SYNRG: variants seen among roughly 807,000 people sequenced by gnomAD.
SYNRG encodes AP1 gamma subunit binding protein 1.
In SYNRG, 37 loss-of-function variants were observed where a neutral mutation model predicts 130.9. That is an observed-to-expected ratio of 0.28 (90% CI 0.22 to 0.37). The LOEUF is 0.37. Among genes scored for constraint, SYNRG ranks in the 10% least tolerant of loss-of-function variants. The pLI is 1.00. For missense variants in SYNRG, 1,338 were observed against 1,588.9 expected, an observed-to-expected ratio of 0.84 and a Z score of 2.68; for synonymous variants, 539 against 568.1, an observed-to-expected ratio of 0.95 and a Z score of 0.73.
chr17:37,588,742 T>C, intron 3 of SYNRG, among the ~76,000 whole-genome samples: 1 of 47,178 alleles, frequency 2.1e-5, no homozygotes, highest in African/African-American at 1.0e-4. Flanking sequence ...AGAATTATTC[T>C]TTTTTTTTTT....
At chr17:37,587,828 ATC>A (rs1467325112) in intron 3 of SYNRG, among the ~76,000 whole-genome samples, 2 of 152,178 alleles carry the variant, frequency 1.3e-5, no homozygotes, top group African/African-American at 4.8e-5. Context: ...AATACCCATG[ATC>A]TATCTGCACC....
At chr17:37,523,544 T>C (rs1253771237) in intron 19 of SYNRG, among the ~76,000 whole-genome samples, 2 of 152,304 alleles carry the variant, frequency 1.3e-5, no homozygotes, top group Non-Finnish European at 2.9e-5. Context: ...TGCAAGCCAG[T>C]AAGAACTGGA....
intron 1 of SYNRG, among the ~76,000 whole-genome samples, chr17:37,601,816 T>C (rs2063312353): frequency 6.6e-6 from 1 of 151,948 alleles, no homozygotes; most frequent in African/African-American, 2.4e-5. Context: ...AGGCGAGCAC[T>C]ACCAAACCTG....
intron 14 of SYNRG, among the ~76,000 whole-genome samples, chr17:37,544,391 T>A (rs2058076083): frequency 6.6e-6 from 1 of 151,842 alleles, no homozygotes; most frequent in African/African-American, 2.4e-5. Context: ...CTCGGCTCAC[T>A]ACAACCTCCG....
chr17:37,555,352 C>A (rs1267431846), intron 13 of SYNRG, among the ~76,000 whole-genome samples: 1 of 152,184 alleles, frequency 6.6e-6, no homozygotes, highest in Admixed American at 6.5e-5. Flanking sequence ...GTTTTGAACT[C>A]CTGACCTCGG....
At chr17:37,599,049 G>C (rs1368362217) in intron 2 of SYNRG, among the ~76,000 whole-genome samples, 2 of 152,166 alleles carry the variant, frequency 1.3e-5, no homozygotes, top group African/African-American at 4.8e-5. Context: ...TGAAGACAAA[G>C]TCAGGATGAG....
In SYNRG at chr17:37,570,697, TGG is replaced by T; in HGVS notation, c.1285_1286del (p.Pro429SerfsTer10). On this transcript the variant is annotated frameshift_variant, in exon 10 of 22. Coordinates refer to ENST00000612223, the MANE Select transcript of SYNRG (RefSeq NM_007247.6). LOFTEE classifies it high-confidence loss of function. ...QPVMGINLVG[P>X]VGGAAAQASS... ...AAGCCTGGGCTGCAGCTCCACCCAC[TGG>T]TCCAACAAGGTTAATGCCCATGACT... 3 of 1,614,194 alleles carry T rather than the reference TGG, an allele frequency of 1.9e-6. No individual in the cohort carries two copies. The highest frequency in any genetic ancestry group is 2.5e-6 in the Non-Finnish European group (3 of 1,180,026).
Position 37,535,910 on chromosome 17 carries a change from T to C in SYNRG, c.3666+69A>G. On this transcript the variant is annotated intron_variant, in intron 19 of 21. Transcript: ENST00000612223. ...CCTCTAATAAGTACCATCATAGGAA[T>C]ATACACTCTGCTTTACAACTTAGGT... 3.1e-6 allele frequency: 5 copies of C among 1,594,562 alleles called. No homozygotes were observed. In the South Asian group the frequency reaches 5.5e-5, roughly 18 times the overall value.
chr17:37,553,819 G>A lies in SYNRG; in HGVS notation c.1904C>T (p.Ala635Val). The A allele has an allele frequency of 6.2e-7, 1 of 1,613,468 alleles. No individual in the cohort carries two copies. Among genetic ancestry groups the A allele is most frequent in the Non-Finnish European group, 8.5e-7 (1 of 1,179,906 alleles). Residue 635 changes from alanine (A) to valine (V), a missense_variant, in exon 14 of 22, where the codon GCT (alanine) becomes GTT (valine). Ala to Val is a moderately conservative substitution (Grantham distance 64, BLOSUM62 0). Transcript: ENST00000612223. ...CSSEKPLSFS[A>V]VFSTSKSVST... ...AACTGATTTTGATGTGCTAAACACA[G>A]CTGAAAAAGACAATGGTTTCTCGCT... is the stretch of plus-strand genomic sequence containing the variant.
At chr17:37,529,485 T>C (rs577706212) in intron 19 of SYNRG, among the ~76,000 whole-genome samples, 2 of 149,050 alleles carry the variant, frequency 1.3e-5, no homozygotes, top group East Asian at 2.0e-4. Context: ...CAAAACTCAT[T>C]GAGTGGTACA....
Position 37,604,242 on chromosome 17 carries a change from A to T in SYNRG, c.78-3839T>A, listed in dbSNP as rs1014149045. Reference sequence around the variant, plus strand: ...GTGACAGAGTGAGACTCTGTCTATAAAAAAAAAAAAAAAAGAAAATCTATT... The same window carrying T: ...GTGACAGAGTGAGACTCTGTCTATATAAAAAAAAAAAAAAGAAAATCTATT... On this transcript the variant is annotated intron_variant, in intron 1 of 21. Coordinates refer to ENST00000612223, the MANE Select transcript of SYNRG (RefSeq NM_007247.6). Among the ~76,000 whole-genome samples the T allele has an allele frequency of 3.3e-4, 4 of 12,274 alleles. 1 individual carries two copies. Among genetic ancestry groups the T allele is most frequent in the South Asian group, 6.8e-3 (2 of 296 alleles). The allele number at this position is 12,274 out of a possible 152,430, so 8.1% of individuals were successfully genotyped here. A position where few individuals can be genotyped will look rare whatever the true frequency, so the allele number is the denominator to read the frequency against.
chr17:37,596,745 A>G (rs1214120552), intron 2 of SYNRG, among the ~76,000 whole-genome samples: 4 of 152,118 alleles, frequency 2.6e-5, no homozygotes, highest in Admixed American at 1.3e-4. Flanking sequence ...AAATGACAGC[A>G]TGTAACTTCG....
At chr17:37,572,046 G>T in intron 8 of SYNRG, 59 bp from the exon 9 acceptor site, 1 of 1,434,696 alleles carries the variant, frequency 7.0e-7, no homozygotes, top group Non-Finnish European at 9.6e-7. Context: ...TTATTTTTTG[G>T]GATGCCATTG....
rs150501032 is a variant in SYNRG, at chr17:37,552,338, A to G, written c.2608+777T>C. Among the ~76,000 whole-genome samples, 855 of 152,370 alleles carry G rather than the reference A, an allele frequency of 5.6e-3. 4 individuals carry two copies. Among genetic ancestry groups the G allele is most frequent in the Non-Finnish European group, 9.2e-3 (625 of 68,040 alleles). On this transcript the variant is annotated intron_variant, in intron 14 of 21. Transcript: ENST00000612223. The stretch of plus-strand genomic sequence containing the variant: ...CACTTGGGAATCTAGTTTTTATGAC[A>G]GAAGTTGAACTAGAGAGTAAATTGC...
intron 1 of SYNRG, 81 bp from the exon 2 acceptor site, chr17:37,600,484 A>G: frequency 7.2e-7 from 1 of 1,392,906 alleles, no homozygotes; most frequent in Non-Finnish European, 1.0e-6. Context: ...TATATGGATA[A>G]AAGACTTGTA....
intron 15 of SYNRG, chr17:37,541,694 CT>C (rs3842670): frequency 0.14 from 66,571 of 468,376 alleles, 5,208 homozygotes; most frequent in East Asian, 0.25. Context: ...ATTTATCTGG[CT>C]CTTTTAACAC....
chr17:37,584,596 C>G (rs2061559462), intron 6 of SYNRG, 52 bp downstream of exon 6: 4 of 1,415,150 alleles, frequency 2.8e-6, no homozygotes, highest in Non-Finnish European at 4.0e-6. Context: ...GAAACAGGGA[C>G]TACATAAATC....
chr17:37,570,133 C>T (rs2060310167), intron 10 of SYNRG, among the ~76,000 whole-genome samples: 1 of 142,286 alleles, frequency 7.0e-6, no homozygotes, highest in African/African-American at 2.6e-5. Flanking sequence ...AAGATATAGA[C>T]ATGCTGAGGC....
chr17:37,576,554 C>G, intron 7 of SYNRG, 136 bp from the exon 8 acceptor site: 1 of 661,768 alleles, frequency 1.5e-6, no homozygotes, highest in South Asian at 2.5e-5. Context: ...AATACTTGGT[C>G]CCCCCTGCCT....
Sources: gnomAD v4.1 joint callset for allele counts (sites outside exome capture counted in the v4.1 genomes callset) on GRCh38, gnomAD v4.1.1 for gene constraint, MANE v1.5 for transcripts, NCBI Gene and HGNC (gene_info 2026-07-23, HGNC 2026-07-21) for gene names.